Variants in MARCHF11 observed in about 807,000 individuals in gnomAD.
The protein encoded by MARCHF11 is membrane associated ring-CH-type finger 11, also known as E3 ubiquitin-protein ligase MARCHF11.
In MARCHF11, 29 loss-of-function variants were observed where a neutral mutation model predicts 37.3. The observed-to-expected ratio is 0.78, with a 90% confidence interval of 0.58 to 1.06. The LOEUF (loss-of-function observed/expected upper bound fraction) is 1.06. Ranked by LOEUF, MARCHF11 falls within the 50% of genes least tolerant of loss-of-function variation. MARCHF11 has a pLI of 0.00. For missense variants in MARCHF11, 482 were observed against 533.4 expected, an observed-to-expected ratio of 0.90 and a Z score of 0.95; for synonymous variants, 233 against 228.0, an observed-to-expected ratio of 1.02 and a Z score of -0.20.
chr5:16,163,935 T>C (rs1738128022), intron 2 of MARCHF11, among the ~76,000 whole-genome samples: 2 of 152,030 alleles, frequency 1.3e-5, no homozygotes, highest in Non-Finnish European at 2.9e-5. Context: ...CTTTTGACTT[T>C]GGGTCCCTTC....
At chr5:16,172,762 C>T (rs1738291860) in intron 2 of MARCHF11, among the ~76,000 whole-genome samples, 1 of 152,030 alleles carries the variant, frequency 6.6e-6, no homozygotes, top group African/African-American at 2.4e-5. Flanking sequence ...ATGATGGAGC[C>T]CCATTTAGAA....
At chr5:16,153,123 G>A (rs1048470369) in intron 2 of MARCHF11, among the ~76,000 whole-genome samples, 2 of 151,974 alleles carry the variant, frequency 1.3e-5, no homozygotes, top group African/African-American at 4.8e-5. Flanking sequence ...GAAAAGGTAA[G>A]GGTCATGGAC....
chr5:16,149,182 A>C (rs1737850978), intron 2 of MARCHF11, among the ~76,000 whole-genome samples: 1 of 151,952 alleles, frequency 6.6e-6, no homozygotes, highest in Non-Finnish European at 1.5e-5. Flanking sequence ...ACTACTCCCC[A>C]CTGTAGCCCT....
intron 2 of MARCHF11, among the ~76,000 whole-genome samples, chr5:16,122,724 T>A (rs986609618): frequency 6.6e-6 from 1 of 152,142 alleles, no homozygotes; most frequent in Non-Finnish European, 1.5e-5. Context: ...TAGTTACAGA[T>A]TAAACCCCTG....
chr5:16,089,859 G>A (rs1183080359), intron 3 of MARCHF11, among the ~76,000 whole-genome samples: 1 of 152,086 alleles, frequency 6.6e-6, no homozygotes. Context: ...ATTATCCTTT[G>A]CATTTTTATA....
intron 3 of MARCHF11, among the ~76,000 whole-genome samples, chr5:16,073,607 TAA>T (rs1491580420): frequency 2.0e-5 from 3 of 149,314 alleles, no homozygotes; most frequent in Non-Finnish European, 4.4e-5. Context: ...TAATATATAA[TAA>T]TATATATAGA....
intron 2 of MARCHF11, among the ~76,000 whole-genome samples, chr5:16,098,655 C>G (rs1467816197): frequency 6.6e-6 from 1 of 151,788 alleles, no homozygotes; most frequent in African/African-American, 2.4e-5. Flanking sequence ...GCAATCCCAG[C>G]TACTCAGGAG....
intron 2 of MARCHF11, among the ~76,000 whole-genome samples, chr5:16,133,971 G>A (rs1404967029): frequency 3.9e-5 from 6 of 152,096 alleles, no homozygotes; most frequent in African/African-American, 9.7e-5. Flanking sequence ...CAGAAAATTG[G>A]CCAAAGGACC....
chr5:16,166,295 G>A (rs955497196), intron 2 of MARCHF11, among the ~76,000 whole-genome samples: 6 of 151,950 alleles, frequency 3.9e-5, no homozygotes, highest in South Asian at 2.1e-4. Flanking sequence ...TCTGGTGCCA[G>A]GTGAGCTTAT....
At chr5:16,094,367 TTCTC>T (rs769451910) in intron 2 of MARCHF11, among the ~76,000 whole-genome samples, 9 of 152,320 alleles carry the variant, frequency 5.9e-5, no homozygotes, top group Non-Finnish European at 1.3e-4. Flanking sequence ...CTCGTGGGAC[TTCTC>T]TCTCTATCCC....
At chr5:16,107,961 T>C (rs911475867) in intron 2 of MARCHF11, among the ~76,000 whole-genome samples, 2 of 152,054 alleles carry the variant, frequency 1.3e-5, no homozygotes, top group Non-Finnish European at 2.9e-5. Flanking sequence ...TACCACTCAG[T>C]AAAACCCCCA....
At chr5:16,092,630 G>T (rs113557560) in intron 2 of MARCHF11, among the ~76,000 whole-genome samples, 1 of 152,166 alleles carries the variant, frequency 6.6e-6, no homozygotes, top group African/African-American at 2.4e-5. Context: ...AATACCTAAT[G>T]CCTGAGGGGC....
intron 2 of MARCHF11, among the ~76,000 whole-genome samples, chr5:16,148,927 A>G (rs1299806332): frequency 6.6e-6 from 1 of 152,160 alleles, no homozygotes; most frequent in Non-Finnish European, 1.5e-5. Context: ...AGAAAGGAAC[A>G]TTTTGAAAAA....
intron 2 of MARCHF11, among the ~76,000 whole-genome samples, chr5:16,097,301 C>T (rs921600029): frequency 2.0e-5 from 3 of 152,116 alleles, no homozygotes; most frequent in Admixed American, 1.3e-4. Flanking sequence ...TATTTATAGG[C>T]TGCATATTAA....
chr5:16,119,799 G>A (rs1737283813), intron 2 of MARCHF11, among the ~76,000 whole-genome samples: 1 of 152,030 alleles, frequency 6.6e-6, no homozygotes, highest in African/African-American at 2.4e-5. Context: ...AACCCCCCAA[G>A]GCTCTGTGTT....
chr5:16,107,442 T>C (rs1156366779), intron 2 of MARCHF11, among the ~76,000 whole-genome samples: 1 of 152,096 alleles, frequency 6.6e-6, no homozygotes, highest in Non-Finnish European at 1.5e-5. Flanking sequence ...AATTTTGTGA[T>C]TGGGAGTACT....
intron 3 of MARCHF11, among the ~76,000 whole-genome samples, chr5:16,087,584 C>T (rs1736719591): frequency 6.6e-6 from 1 of 152,184 alleles, no homozygotes; most frequent in African/African-American, 2.4e-5. Flanking sequence ...CCAAATTTAG[C>T]TGCTGTCAAT....
rs190357381 is a variant in MARCHF11 at position 16,069,609 on chromosome 5, T to C, written c.887-1816A>G. 9.2e-5 allele frequency among the ~76,000 whole-genome samples: 14 copies of C among 151,396 alleles called. No homozygotes were observed. The South Asian group carries it at 1.3e-3, about 14-fold the overall frequency. On this transcript the variant is annotated intron_variant, in intron 3 of 3. Transcript: ENST00000332432. ...CACCGCATTTACATGAAGAGAAGAG[T>C]GATAGCAGTAAGGATAGGATAGAGA...
At chr5:16,131,669 C>T (rs904747657) in intron 2 of MARCHF11, among the ~76,000 whole-genome samples, 1 of 152,182 alleles carries the variant, frequency 6.6e-6, no homozygotes, top group Admixed American at 6.5e-5. Flanking sequence ...TCGGTTTCCT[C>T]TGATACAATG....
Sources: allele counts gnomAD v4.1 joint callset (sites outside exome capture counted in the v4.1 genomes callset), GRCh38; gene constraint gnomAD v4.1.1; transcripts MANE v1.5; gene names NCBI Gene and HGNC (gene_info 2026-07-23, HGNC 2026-07-21).